USP18: variants seen among roughly 807,000 people sequenced by gnomAD.
USP18 encodes ubl carboxyl-terminal hydrolase 18.
Under a neutral mutation model 48.7 loss-of-function variants are expected in USP18, and 11 were observed. The observed-to-expected ratio is 0.23, with a 90% CI of 0.14 to 0.37. The LOEUF is 0.37. Among genes scored for constraint, USP18 ranks in the 10% least tolerant of loss-of-function variants. The pLI, the probability that USP18 is intolerant of heterozygous loss-of-function variation, is 1.00. For synonymous variants in USP18, 114 were observed against 163.2 expected (o/e 0.70, Z 2.30); for missense variants, 285 against 436.4 (o/e 0.65, Z 3.09).
intron 2 of USP18, among the ~76,000 whole-genome samples, chr22:18,159,599 G>T (rs1929266234): frequency 1.4e-5 from 2 of 145,318 alleles, no homozygotes; most frequent in African/African-American, 5.2e-5. Flanking sequence ...CTGGGTTCAA[G>T]CAATTCTCCT....
intron 8 of USP18, among the ~76,000 whole-genome samples, chr22:18,172,523 C>T (rs1929658099): frequency 6.6e-6 from 1 of 151,968 alleles, no homozygotes; most frequent in Admixed American, 6.6e-5. Flanking sequence ...TAGATTTCCG[C>T]TCCTTTTCTT....
chr22:18,170,148 A>G (rs1256405316), intron 7 of USP18, among the ~76,000 whole-genome samples: 1 of 151,130 alleles, frequency 6.6e-6, no homozygotes, highest in Non-Finnish European at 1.5e-5. Context: ...GCAGATGTGG[A>G]ACTCGTGCCT....
chr22:18,163,367 G>A (rs1929378988), intron 4 of USP18, among the ~76,000 whole-genome samples: 1 of 152,048 alleles, frequency 6.6e-6, no homozygotes, highest in African/African-American at 2.4e-5. Context: ...TCCCAGGCTG[G>A]GCGCGGTGGC....
chr22:18,157,838 G>A lies in USP18; in HGVS notation c.157+18G>A, dbSNP rs751437147. 4 of 1,613,348 alleles carry A rather than the reference G, an allele frequency of 2.5e-6. No individual in the cohort carries two copies. The highest frequency in any genetic ancestry group is 3.4e-6 in the Non-Finnish European group (4 of 1,179,752). On this transcript the variant is annotated intron_variant, in intron 2 of 10. Coordinates refer to ENST00000215794, the MANE Select transcript of USP18 (RefSeq NM_017414.4). ...CCCTCATGGTCATTAGACCCCTCCC[G>A]TTTTCCTCTTCTTGACTGCATGTAA...
chr22:18,160,702 T>C (rs1453413852), intron 3 of USP18, among the ~76,000 whole-genome samples: 1 of 152,110 alleles, frequency 6.6e-6, no homozygotes, highest in Non-Finnish European at 1.5e-5. Context: ...CTTCTGCATA[T>C]TCTGGCCTAC....
chr22:18,168,065 C>T (rs767806273), intron 6 of USP18, 29 bp downstream of exon 6: 2 of 1,612,274 alleles, frequency 1.2e-6, no homozygotes, highest in Middle Eastern at 1.7e-4. Flanking sequence ...TATTTGCTGC[C>T]CCTGTATGTG....
chr22:18,163,424 A>AGCACTTTGGGAGGCCGAGGTGGGCCGAGG (rs1929381312), intron 4 of USP18, among the ~76,000 whole-genome samples: 19 of 152,064 alleles, frequency 1.2e-4, no homozygotes, highest in Admixed American at 1.2e-3. Flanking sequence ...TGGGCAGATC[A>AGCACTTTGGGAGGCCGAGGTGGGCCGAGG]TGAGGTCAGG....
At chr22:18,159,218 G>T (rs921260457) in intron 2 of USP18, among the ~76,000 whole-genome samples, 6 of 151,948 alleles carry the variant, frequency 3.9e-5, no homozygotes, top group Non-Finnish European at 5.9e-5. Flanking sequence ...ACCACACCCG[G>T]CTAATTTTTG....
At chr22:18,172,394 T>G (rs1929654673) in intron 8 of USP18, among the ~76,000 whole-genome samples, 1 of 152,194 alleles carries the variant, frequency 6.6e-6, no homozygotes, top group Non-Finnish European at 1.5e-5. Flanking sequence ...GCATCAAATA[T>G]CTGGTCAACG....
At chr22:18,150,970 T>C (rs1039450058) in intron 1 of USP18, among the ~76,000 whole-genome samples, 3 of 152,202 alleles carry the variant, frequency 2.0e-5, no homozygotes, top group African/African-American at 7.2e-5. Context: ...CAAAAAAACC[T>C]GATACATGGT....
At chr22:18,166,827 T>C (rs1929488307) in intron 4 of USP18, among the ~76,000 whole-genome samples, 1 of 150,530 alleles carries the variant, frequency 6.6e-6, no homozygotes, top group East Asian at 1.9e-4. Flanking sequence ...AGCCTCAACA[T>C]CCTGGGCTCC....
At chr22:18,172,777 C>T (rs916600811) in intron 8 of USP18, among the ~76,000 whole-genome samples, 1 of 150,836 alleles carries the variant, frequency 6.6e-6, no homozygotes, top group Admixed American at 6.6e-5. Context: ...CCTCCCCCTA[C>T]AAAAGACTTT....
intron 5 of USP18, 113 bp downstream of exon 5, chr22:18,167,447 C>T (rs1184464425): frequency 5.4e-6 from 7 of 1,290,466 alleles, no homozygotes; most frequent in South Asian, 1.4e-5. Flanking sequence ...CCTGTAATCC[C>T]AGCACTTTGG....
chr22:18,161,069 C>T (rs563554238), intron 3 of USP18, among the ~76,000 whole-genome samples: 81 of 152,086 alleles, frequency 5.3e-4, no homozygotes, highest in Non-Finnish European at 9.6e-4. Context: ...TGCGCCCGGC[C>T]AGGTATTGGT....
intron 1 of USP18, among the ~76,000 whole-genome samples, chr22:18,154,960 G>A (rs147748270): frequency 6.6e-6 from 1 of 152,220 alleles, no homozygotes; most frequent in Non-Finnish European, 1.5e-5. Context: ...AGGACCCTAA[G>A]CCCATGACTG....
intron 7 of USP18, 54 bp from the exon 8 acceptor site, chr22:18,170,699 C>T (rs1216395985): frequency 6.2e-6 from 10 of 1,600,472 alleles, no homozygotes; most frequent in Non-Finnish European, 8.5e-6. Context: ...TGACATTTCT[C>T]TGACTCTCTC....
rs1363934072 is a variant in USP18 at position 18,173,844 on chromosome 22, T to C, written c.1073+2T>C. ...CTACGGAAATCCTAACTACCACTGG[T>C]AAGAAACAGATTTGGGTAATTGGAG... On this transcript the variant is annotated splice_donor_variant, in intron 10 of 10. Coordinates refer to ENST00000215794, the MANE Select transcript of USP18 (RefSeq NM_017414.4). LOFTEE classifies it high-confidence loss of function. 1 of 1,599,748 alleles carries C rather than the reference T, an allele frequency of 6.3e-7. No individual in the cohort carries two copies. The highest frequency in any genetic ancestry group is 8.6e-7 in the Non-Finnish European group (1 of 1,169,094).
intron 8 of USP18, among the ~76,000 whole-genome samples, chr22:18,171,600 C>T (rs1251279823): frequency 6.6e-6 from 1 of 151,870 alleles, no homozygotes; most frequent in African/African-American, 2.4e-5. Context: ...CATTGTACTC[C>T]AGCCTGGGCA....
intron 6 of USP18, 34 bp from the exon 7 acceptor site, chr22:18,169,810 C>T (rs375322930): frequency 6.2e-5 from 97 of 1,552,738 alleles, no homozygotes; most frequent in South Asian, 3.4e-4. Flanking sequence ...GAAATACCAA[C>T]GCTGCTTTTT....
Sources: gnomAD v4.1 joint callset for allele counts (sites outside exome capture counted in the v4.1 genomes callset) on GRCh38, gnomAD v4.1.1 for gene constraint, MANE v1.5 for transcripts, NCBI Gene and HGNC (gene_info 2026-07-23, HGNC 2026-07-21) for gene names.